Variants in PALLD observed in about 807,000 individuals in gnomAD.
The protein encoded by PALLD is palladin, cytoskeletal associated protein.
A neutral mutation model predicts 123.5 loss-of-function variants in PALLD; 61 were observed. That is an observed-to-expected ratio of 0.49 (90% CI 0.40 to 0.61). The LOEUF is 0.61. Among genes scored for constraint, PALLD ranks in the 20% least tolerant of loss-of-function variants. PALLD has a pLI of 0.00. For synonymous variants in PALLD, 465 were observed against 496.4 expected, an observed-to-expected ratio of 0.94 and a Z score of 0.84; for missense variants, 1,273 against 1,377.0, an observed-to-expected ratio of 0.92 and a Z score of 1.20.
At chr4:168,826,533 G>C (rs912601221) in intron 10 of PALLD, among the ~76,000 whole-genome samples, 8 of 152,126 alleles carry the variant, frequency 5.3e-5, no homozygotes, top group Non-Finnish European at 7.3e-5. Flanking sequence ...CTTCTTCATG[G>C]TTTCTATAGT....
intron 2 of PALLD, among the ~76,000 whole-genome samples, chr4:168,588,737 G>A (rs1771102390): frequency 6.7e-6 from 1 of 150,166 alleles, no homozygotes; most frequent in Non-Finnish European, 1.5e-5. Context: ...AGCATACTCT[G>A]GTTATCATTC....
At position 168,877,981 on chromosome 4, in the gene PALLD, G is replaced by A. The variant is rs864622590; in HGVS notation, c.1965-12941G>A. On this transcript the variant is annotated intron_variant, in intron 10 of 21. Transcript: ENST00000505667. ...GCCCCAAGCAGTTCATCGCCGCGCA[G>A]AACCTCGGGCCCGCGTCGGGCCACG... is the stretch of plus-strand genomic sequence containing the variant. 11 of 1,501,870 alleles carry A rather than the reference G, an allele frequency of 7.3e-6. No individual in the cohort carries two copies. Among genetic ancestry groups the A allele is most frequent in the Non-Finnish European group, 9.7e-6 (11 of 1,131,056 alleles). 93.0% of individuals were successfully genotyped at this position (1,501,870 alleles called of 1,614,324 possible).
intron 10 of PALLD, among the ~76,000 whole-genome samples, chr4:168,888,126 G>A (rs550957947): frequency 5.3e-5 from 8 of 152,264 alleles, no homozygotes; most frequent in South Asian, 2.1e-4. Flanking sequence ...AACTATGCAC[G>A]TGTTTGTTAA....
intron 10 of PALLD, among the ~76,000 whole-genome samples, chr4:168,773,353 G>A (rs915374909): frequency 1.3e-5 from 2 of 152,116 alleles, no homozygotes; most frequent in African/African-American, 2.4e-5. Context: ...TTTTCTTCGT[G>A]GCAAGCCCTA....
intron 2 of PALLD, among the ~76,000 whole-genome samples, chr4:168,611,040 A>AATCCTGGAAGCAG (rs530075271): frequency 1.2e-4 from 19 of 152,308 alleles, no homozygotes; most frequent in African/African-American, 4.3e-4. Flanking sequence ...CAGTGTGATG[A>AATCCTGGAAGCAG]ATCCTGGAAG....
intron 2 of PALLD, among the ~76,000 whole-genome samples, chr4:168,599,029 G>T: frequency 6.6e-6 from 1 of 151,984 alleles, no homozygotes; most frequent in East Asian, 1.9e-4. Flanking sequence ...TTTCTAAAAG[G>T]TCTTTATAAA....
chr4:168,684,120 G>A (rs1190285199), intron 5 of PALLD, among the ~76,000 whole-genome samples: 5 of 152,066 alleles, frequency 3.3e-5, no homozygotes, highest in African/African-American at 4.8e-5. Flanking sequence ...TGCTTAGTAC[G>A]GTGCTAGGCA....
At chr4:168,697,338 G>A (rs1783228082) in intron 8 of PALLD, among the ~76,000 whole-genome samples, 1 of 152,220 alleles carries the variant, frequency 6.6e-6, no homozygotes, top group East Asian at 1.9e-4. Flanking sequence ...TGTAGAGGTG[G>A]GGTACAGGAA....
chr4:168,878,973 T>C (rs1752244066), intron 10 of PALLD, among the ~76,000 whole-genome samples: 1 of 152,230 alleles, frequency 6.6e-6, no homozygotes, highest in Admixed American at 6.5e-5. Context: ...AAAACCTTAA[T>C]TAACAGATTT....
intron 10 of PALLD, among the ~76,000 whole-genome samples, chr4:168,780,062 C>T (rs1044259554): frequency 6.6e-6 from 1 of 152,086 alleles, no homozygotes; most frequent in East Asian, 1.9e-4. Context: ...CCATGCCCGA[C>T]TAATTTTGGT....
intron 2 of PALLD, among the ~76,000 whole-genome samples, chr4:168,590,991 T>G (rs1284909255): frequency 6.9e-6 from 1 of 145,900 alleles, no homozygotes; most frequent in East Asian, 2.2e-4. Context: ...GCAATTCTCC[T>G]GCCTCATCCT....
At chr4:168,764,982 A>G (rs1581358924) in intron 10 of PALLD, among the ~76,000 whole-genome samples, 5 of 152,276 alleles carry the variant, frequency 3.3e-5, no homozygotes, top group Admixed American at 6.5e-5. Flanking sequence ...TGCCCAATAT[A>G]CCATATCCAA....
At chr4:168,828,960 A>C (rs1005300482) in intron 10 of PALLD, 3 of 152,188 alleles carry the variant, frequency 2.0e-5, no homozygotes, top group African/African-American at 7.2e-5. Flanking sequence ...TAGTCAAGGA[A>C]GAATGAAATA....
intron 2 of PALLD, among the ~76,000 whole-genome samples, chr4:168,574,811 T>C (rs1479945491): frequency 2.0e-5 from 3 of 152,142 alleles, no homozygotes; most frequent in African/African-American, 7.2e-5. Flanking sequence ...ATGATGGCTT[T>C]GTCACAGAGG....
chr4:168,712,292 G>A (rs371875956), intron 10 of PALLD: 2 of 310,530 alleles, frequency 6.4e-6, no homozygotes, highest in Middle Eastern at 1.0e-3. Context: ...TAAGTACTTT[G>A]CATTTGTTAC....
At chr4:168,636,030 C>G (rs1413497318) in intron 2 of PALLD, among the ~76,000 whole-genome samples, 1 of 152,182 alleles carries the variant, frequency 6.6e-6, no homozygotes, top group Non-Finnish European at 1.5e-5. Flanking sequence ...TGATCATTTC[C>G]TTCCCAAATA....
intron 2 of PALLD, among the ~76,000 whole-genome samples, chr4:168,558,927 T>A (rs1280548634): frequency 6.6e-6 from 1 of 152,238 alleles, no homozygotes; most frequent in African/African-American, 2.4e-5. Flanking sequence ...AAGGTTCAAA[T>A]TATAATGTAA....
At chr4:168,784,939 G>A (rs928945859) in intron 10 of PALLD, among the ~76,000 whole-genome samples, 2 of 151,988 alleles carry the variant, frequency 1.3e-5, no homozygotes, top group Admixed American at 6.6e-5. Flanking sequence ...AGTGGCTTCC[G>A]TGAGACTTGG....
intron 17 of PALLD, among the ~76,000 whole-genome samples, chr4:168,917,316 G>A (rs1760385290): frequency 6.6e-6 from 1 of 152,144 alleles, no homozygotes; most frequent in African/African-American, 2.4e-5. Flanking sequence ...CCAAAGTGCT[G>A]GGATTACAGG....
Sources: gnomAD v4.1 joint callset for allele counts (sites outside exome capture counted in the v4.1 genomes callset) on GRCh38, gnomAD v4.1.1 for gene constraint, MANE v1.5 for transcripts, NCBI Gene and HGNC (gene_info 2026-07-23, HGNC 2026-07-21) for gene names.